LORICRIN: variants seen among roughly 807,000 people sequenced by gnomAD.
LORICRIN encodes the protein loricrin cornified envelope precursor protein.
Under a neutral mutation model 3.3 loss-of-function variants are expected in LORICRIN, and 5 were observed. The ratio of observed to expected loss-of-function variants is 1.52; its 90% CI spans 0.79 to 3.19. LORICRIN has a LOEUF of 3.19. LORICRIN is among the 30% of genes most tolerant of loss of function. LORICRIN has a pLI of 0.00. For synonymous variants in LORICRIN, 237 were observed against 231.4 expected (o/e 1.02, Z -0.22); for missense variants, 524 against 460.2 (o/e 1.14, Z -1.27).
Position 153,261,132 on chromosome 1 carries a change from C to T in LORICRIN, c.183C>T (p.Gly61=), listed in dbSNP as rs1340571975. The part of the protein sequence containing the change: ...CGYSGGGGYS[G]GGCGGGSSGG... ...ACTCCGGCGGCGGTGGCTACTCTGG[C>T]GGCGGCTGCGGCGGGGGCTCCTCCG... is the stretch of plus-strand genomic sequence containing the variant. The change falls in exon 2 of 2, where the codon GGC becomes GGT. Residue 61 remains glycine, a synonymous_variant. Transcript: ENST00000368742. 4.4e-6 allele frequency: 6 copies of T among 1,353,174 alleles called. No individual in the cohort carries two copies. Among genetic ancestry groups the T allele is most frequent in the African/African-American group, 1.6e-5 (1 of 64,390 alleles). The allele number at this position is 1,353,174 out of a possible 1,614,324, so 83.8% of individuals were successfully genotyped here.
Position 153,261,970 on chromosome 1 carries a change from C to A in LORICRIN, c.*82C>A. 7.0e-7 allele frequency: 1 copy of A among 1,427,292 alleles called. No homozygotes were observed. The highest frequency in any genetic ancestry group is 1.4e-5 in the African/African-American group (1 of 70,948). The allele number at this position is 1,427,292 out of a possible 1,614,324, so 88.4% of individuals were successfully genotyped here. On this transcript the variant is annotated 3_prime_UTR_variant, in exon 2 of 2. Coordinates refer to ENST00000368742, the MANE Select transcript of LORICRIN (RefSeq NM_000427.3). ...TGGGCTTAGAGCTCTCATGATGCTA[C>A]CCGAGGTTTGCAAATCCTTCATGTC...
In LORICRIN at chr1:153,261,224, G is replaced by C; in HGVS notation, c.275G>C (p.Gly92Ala). ...GGSGGSVKYSGGGGSSGGGSG... is the reference protein window; with the variant it reads ...GGSGGSVKYSAGGGSSGGGSG... ...TCCGGTGGGAGCGTCAAGTACTCCG[G>C]AGGCGGCGGCTCCTCCGGCGGGGGC... Residue 92 changes from glycine (G) to alanine (A), a missense_variant, in exon 2 of 2, where the codon GGA (glycine) becomes GCA (alanine). Physicochemically the swap from Gly to Ala is moderately conservative, Grantham distance 60. Coordinates refer to ENST00000368742, the MANE Select transcript of LORICRIN (RefSeq NM_000427.3). 3.7e-6 allele frequency: 5 copies of C among 1,362,412 alleles called. No individual in the cohort carries two copies. The highest frequency in any genetic ancestry group is 3.3e-5 in the South Asian group (2 of 60,368). The allele number at this position is 1,362,412 out of a possible 1,614,324, so 84.4% of individuals were successfully genotyped here. A position where few individuals can be genotyped will look rare whatever the true frequency, so the allele number is the denominator to read the frequency against.
In LORICRIN at chr1:153,261,048, C is replaced by A; in HGVS notation, c.99C>A (p.Gly33=). 6.5e-7 allele frequency: 1 copy of A among 1,544,954 alleles called. No individual in the cohort carries two copies. The highest frequency in any genetic ancestry group is 8.8e-7 in the Non-Finnish European group (1 of 1,141,032). ...GTGGCGGCGGCAGCGGCGGTGGTGG[C>A]TGCGGCTTCTTCGGCGGCGGCGGCT... ...GGGGGGSGGG[G]CGFFGGGGSG... The change falls in exon 2 of 2, where the codon GGC becomes GGA. Residue 33 remains glycine, a synonymous_variant. Coordinates refer to ENST00000368742, the MANE Select transcript of LORICRIN (RefSeq NM_000427.3).
Position 153,261,891 on chromosome 1 carries a change from C to A in LORICRIN, c.*3C>A, listed in dbSNP as rs190451624. On this transcript the variant is annotated 3_prime_UTR_variant, in exon 2 of 2. Transcript: ENST00000368742. ...CGCCTACCTGGCCGTCCAAATAGAT[C>A]CCCCAGGGTACCACGGAGGCGAAGG... is the stretch of plus-strand genomic sequence containing the variant. 89 of 1,610,458 alleles carry A rather than the reference C, an allele frequency of 5.5e-5. 1 individual carries two copies. The East Asian group carries it at 2.0e-3, about 36-fold the overall frequency.
Position 153,261,034 on chromosome 1 carries a change from AGCGGCGGTGGTGGCT to A in LORICRIN, c.91_105del (p.Gly31_Gly35del), listed in dbSNP as rs781606342. 8.2e-6 allele frequency: 12 copies of A among 1,470,394 alleles called. No individual in the cohort carries two copies. In the South Asian group the frequency reaches 1.3e-4, roughly 16 times the overall value. 91.1% of individuals were successfully genotyped at this position (1,470,394 alleles called of 1,614,324 possible). A position where few individuals can be genotyped will look rare whatever the true frequency, so the allele number is the denominator to read the frequency against. The stretch of plus-strand genomic sequence containing the variant: ...TGGCGGCGGTGGCGGTGGCGGCGGC[AGCGGCGGTGGTGGCT>A]GCGGCTTCTTCGGCGGCGGCGGCTC... On this transcript the variant is annotated inframe_deletion, in exon 2 of 2. Coordinates refer to ENST00000368742, the MANE Select transcript of LORICRIN (RefSeq NM_000427.3).
intron 1 of LORICRIN, 62 bp from the exon 2 acceptor site, chr1:153,260,865 C>T (rs1658748889): frequency 1.6e-6 from 2 of 1,225,668 alleles, no homozygotes; most frequent in Admixed American, 1.9e-5. Context: ...CCTATGGATG[C>T]AGCTGCCTCC....
intron 1 of LORICRIN, 47 bp from the exon 2 acceptor site, chr1:153,260,880 G>A: frequency 5.2e-6 from 7 of 1,350,102 alleles, no homozygotes; most frequent in Non-Finnish European, 7.3e-6. Flanking sequence ...GCCTCCGTAA[G>A]TATCCTCTTG....
intron 1 of LORICRIN, among the ~76,000 whole-genome samples, chr1:153,260,370 T>G (rs778182309): frequency 2.6e-5 from 4 of 152,168 alleles, no homozygotes; most frequent in Non-Finnish European, 5.9e-5. Context: ...TCTTTTCTAG[T>G]GACTAGCCCT....
chr1:153,261,720 C>A lies in LORICRIN; in HGVS notation c.771C>A (p.Ser257=), dbSNP rs1658805511. 1.9e-6 allele frequency: 3 copies of A among 1,563,644 alleles called. No individual in the cohort carries two copies. Among genetic ancestry groups the A allele is most frequent in the East Asian group, 2.4e-5 (1 of 41,364 alleles). Residue 257 remains serine, a synonymous_variant, in exon 2 of 2, where the codon TCC becomes TCA. Transcript: ENST00000368742. The stretch of plus-strand genomic sequence containing the variant: ...GCTCCGGCTGCGGCGGCGGCTCCTC[C>A]GGGATTGGCAGCGGCTGCATCATCA... ...GGSSGCGGGS[S]GIGSGCIISG...
Position 153,261,129 on chromosome 1 carries a change from T to TGGC in LORICRIN, c.187_189dup (p.Gly63dup). On this transcript the variant is annotated inframe_insertion, in exon 2 of 2. Transcript: ENST00000368742. Reference sequence around the variant, plus strand: ...GCTACTCCGGCGGCGGTGGCTACTCTGGCGGCGGCTGCGGCGGGGGCTCCT... The same window carrying TGGC: ...GCTACTCCGGCGGCGGTGGCTACTCTGGCGGCGGCGGCTGCGGCGGGGGCTCCT... The TGGC allele has an allele frequency of 2.3e-6, 3 of 1,287,834 alleles. No homozygotes were observed. The highest frequency in any genetic ancestry group is 2.9e-6 in the Non-Finnish European group (3 of 1,024,826). 79.8% of individuals were successfully genotyped at this position (1,287,834 alleles called of 1,614,324 possible).
rs1366140697 is a variant in LORICRIN, at chr1:153,260,897, G to C, written c.-23-30G>C. The stretch of plus-strand genomic sequence containing the variant: ...CTCCGTAAGTATCCTCTTGCAGCTG[G>C]TCCAGCGATGCTCTCTTCTCCCCTT... On this transcript the variant is annotated intron_variant, in intron 1 of 1. Transcript: ENST00000368742. 4.1e-6 allele frequency: 6 copies of C among 1,467,954 alleles called. No homozygotes were observed. The South Asian group carries it at 7.2e-5, about 18-fold the overall frequency. The allele number at this position is 1,467,954 out of a possible 1,614,324, so 90.9% of individuals were successfully genotyped here.
chr1:153,260,008 G>A (rs1557794447), intron 1 of LORICRIN, among the ~76,000 whole-genome samples: 1 of 152,158 alleles, frequency 6.6e-6, no homozygotes, highest in African/African-American at 2.4e-5. Context: ...CATGGTGCCG[G>A]GCACAGAAGG....
Position 153,261,637 on chromosome 1 carries a change from T to C in LORICRIN, c.688T>C (p.Ser230Pro). ...APQPSYGGGS[S>P]GGGGSGGSGC... Reference sequence around the variant, plus strand: ...CCAGCCGAGTTACGGAGGGGGGTCGTCCGGCGGCGGCGGCAGCGGCGGAAG... The same window carrying C: ...CCAGCCGAGTTACGGAGGGGGGTCGCCCGGCGGCGGCGGCAGCGGCGGAAG... The change falls in exon 2 of 2, where the codon TCC (serine) becomes CCC (proline). Residue 230 changes from serine to proline, a missense_variant. Physicochemically the swap from Ser to Pro is moderately conservative, Grantham distance 74 (BLOSUM62 -1). Transcript: ENST00000368742. The C allele has an allele frequency of 6.7e-7, 1 of 1,499,880 alleles. No individual in the cohort carries two copies. Among genetic ancestry groups the C allele is most frequent in the Non-Finnish European group, 8.8e-7 (1 of 1,134,364 alleles). 92.9% of individuals were successfully genotyped at this position (1,499,880 alleles called of 1,614,324 possible).
At position 153,261,538 on chromosome 1, in the gene LORICRIN, G is replaced by A. The variant is rs776897934; in HGVS notation, c.589G>A (p.Gly197Ser). The change falls in exon 2 of 2, where the codon GGC (glycine) becomes AGC (serine). Residue 197 changes from glycine to serine, a missense_variant. Transcript: ENST00000368742. ...CGYSGGGSGCGGGSSGGSGSG... is the reference protein window; with the variant it reads ...CGYSGGGSGCSGGSSGGSGSG... ...CTACTCTGGCGGCGGCTCTGGCTGCGGCGGAGGCTCCTCTGGCGGCAGCGG... is the reference window on the plus strand; with the variant it reads ...CTACTCTGGCGGCGGCTCTGGCTGCAGCGGAGGCTCCTCTGGCGGCAGCGG... The A allele has an allele frequency of 2.8e-4, 427 of 1,509,724 alleles. No homozygotes were observed. Among genetic ancestry groups the A allele is most frequent in the Non-Finnish European group, 3.4e-4 (386 of 1,134,398 alleles). The allele number at this position is 1,509,724 out of a possible 1,614,324, so 93.5% of individuals were successfully genotyped here.
At chr1:153,260,653 G>C (rs1321848304) in intron 1 of LORICRIN, among the ~76,000 whole-genome samples, 1 of 152,212 alleles carries the variant, frequency 6.6e-6, no homozygotes, top group Admixed American at 6.5e-5. Context: ...GCGTGTGGGT[G>C]ATCTGCCCTC....
At position 153,262,074 on chromosome 1, in the gene LORICRIN, C is replaced by G; in HGVS notation, c.*186C>G. 1 of 693,230 alleles carries G rather than the reference C, an allele frequency of 1.4e-6. No individual in the cohort carries two copies. Among genetic ancestry groups the G allele is most frequent in the South Asian group, 1.8e-5 (1 of 54,604 alleles). 42.9% of individuals were successfully genotyped at this position (693,230 alleles called of 1,614,324 possible). A position where few individuals can be genotyped will look rare whatever the true frequency, so the allele number is the denominator to read the frequency against. On this transcript the variant is annotated 3_prime_UTR_variant, in exon 2 of 2. Transcript: ENST00000368742. ...TTTAGCCTCTTTGGTTTCTGTACAACTACCTCCCAACCCCAGTGCCTCAGT... is the reference window on the plus strand; with the variant it reads ...TTTAGCCTCTTTGGTTTCTGTACAAGTACCTCCCAACCCCAGTGCCTCAGT...
chr1:153,261,456 C>T lies in LORICRIN; in HGVS notation c.507C>T (p.Ser169=). The T allele has an allele frequency of 6.6e-7, 1 of 1,507,826 alleles. No individual in the cohort carries two copies. The highest frequency in any genetic ancestry group is 8.8e-7 in the Non-Finnish European group (1 of 1,135,786). 93.4% of individuals were successfully genotyped at this position (1,507,826 alleles called of 1,614,324 possible). A position where few individuals can be genotyped will look rare whatever the true frequency, so the allele number is the denominator to read the frequency against. The part of the protein sequence containing the change: ...QSYGGVSSGG[S]SGGGSGCFSS... ...ACGGAGGCGTCTCTAGCGGCGGCTC[C>T]TCCGGGGGCGGCTCCGGCTGCTTCT... Residue 169 remains serine, a synonymous_variant, in exon 2 of 2, where the codon TCC becomes TCT. Coordinates refer to ENST00000368742, the MANE Select transcript of LORICRIN (RefSeq NM_000427.3).
intron 1 of LORICRIN, 49 bp from the exon 2 acceptor site, chr1:153,260,877 TA>T: frequency 7.5e-7 from 1 of 1,331,510 alleles, no homozygotes; most frequent in Non-Finnish European, 1.1e-6. Context: ...GCTGCCTCCG[TA>T]AGTATCCTCT....
In LORICRIN at chr1:153,261,519, T is replaced by TGGCGGCGGCTCG. The variant is rs1293193068; in HGVS notation, c.581_582insGGGCGGCGGCTC (p.Gly192_Gly195dup). 4 of 1,491,506 alleles carry TGGCGGCGGCTCG rather than the reference T, an allele frequency of 2.7e-6. No individual in the cohort carries two copies. Among genetic ancestry groups the TGGCGGCGGCTCG allele is most frequent in the East Asian group, 5.3e-5 (2 of 37,850 alleles). 92.4% of individuals were successfully genotyped at this position (1,491,506 alleles called of 1,614,324 possible). On this transcript the variant is annotated inframe_insertion, in exon 2 of 2. Transcript: ENST00000368742. Reference sequence around the variant, plus strand: ...GCGGCGGCTCTGTCTGCGGCTACTCTGGCGGCGGCTCTGGCTGCGGCGGAG... The same window carrying TGGCGGCGGCTCG: ...GCGGCGGCTCTGTCTGCGGCTACTCTGGCGGCGGCTCGGGCGGCGGCTCTGGCTGCGGCGGAG...
Sources: gnomAD v4.1 joint callset for allele counts (sites outside exome capture counted in the v4.1 genomes callset) on GRCh38, gnomAD v4.1.1 for gene constraint, MANE v1.5 for transcripts, NCBI Gene and HGNC (gene_info 2026-07-23, HGNC 2026-07-21) for gene names.